SHQ1: variants seen among roughly 807,000 people sequenced by gnomAD.
SHQ1 encodes the protein protein SHQ1 homolog.
A neutral mutation model predicts 53.8 loss-of-function variants in SHQ1; 49 were observed. That is an observed-to-expected ratio of 0.91 (90% confidence interval 0.72 to 1.16). The LOEUF is 1.16. Among genes scored for constraint, SHQ1 ranks in the 50% most tolerant of loss-of-function variants. SHQ1 has a pLI of 0.00. For missense variants in SHQ1, 738 were observed against 683.1 expected, an observed-to-expected ratio of 1.08 and a Z score of -0.90; for synonymous variants, 243 against 251.0, an observed-to-expected ratio of 0.97 and a Z score of 0.30.
chr3:72,781,013 T>C (rs1559668259), intron 10 of SHQ1, among the ~76,000 whole-genome samples: 1 of 151,424 alleles, frequency 6.6e-6, no homozygotes, highest in Non-Finnish European at 1.5e-5. Flanking sequence ...GCAAATAAAG[T>C]AAAAAGTATG....
intron 9 of SHQ1, among the ~76,000 whole-genome samples, chr3:72,801,649 G>A (rs1280078816): frequency 1.3e-5 from 2 of 152,174 alleles, no homozygotes; most frequent in Non-Finnish European, 2.9e-5. Context: ...AACCCTCACT[G>A]TGTTTCAGTG....
intron 10 of SHQ1, among the ~76,000 whole-genome samples, chr3:72,754,045 A>C (rs1403487937): frequency 6.6e-6 from 1 of 152,230 alleles, no homozygotes; most frequent in African/African-American, 2.4e-5. Context: ...TAGAAATAAA[A>C]AATATAAAAT....
At chr3:72,795,469 T>C (rs1437897921) in intron 9 of SHQ1, 1 of 152,202 alleles carries the variant, frequency 6.6e-6, no homozygotes, top group Non-Finnish European at 1.5e-5. Context: ...GATGAAACCA[T>C]GTTTGCCACA....
At chr3:72,821,343 A>C (rs1707473105) in intron 6 of SHQ1, among the ~76,000 whole-genome samples, 1 of 152,224 alleles carries the variant, frequency 6.6e-6, no homozygotes, top group African/African-American at 2.4e-5. Flanking sequence ...ACTGAAAGAC[A>C]ACATGGGAAA....
chr3:72,747,856 G>T (rs1266019913), downstream of SHQ1, among the ~76,000 whole-genome samples: 1 of 152,062 alleles, frequency 6.6e-6, no homozygotes, highest in African/African-American at 2.4e-5. Flanking sequence ...AGGTGTGGTG[G>T]TGCATGCCTG....
At chr3:72,809,876 T>C (rs1707065278) in intron 9 of SHQ1, 1 of 151,980 alleles carries the variant, frequency 6.6e-6, no homozygotes. Flanking sequence ...TGAGAATTTC[T>C]TGAACCCAGG....
At chr3:72,846,137 T>C in intron 1 of SHQ1, 1 of 1,382,610 alleles carries the variant, frequency 7.2e-7, no homozygotes, top group Admixed American at 2.0e-5. Flanking sequence ...ATGTGAGCTA[T>C]TATTACCAGC....
At chr3:72,766,602 C>T (rs978381980) in intron 10 of SHQ1, among the ~76,000 whole-genome samples, 1 of 152,178 alleles carries the variant, frequency 6.6e-6, no homozygotes, top group Non-Finnish European at 1.5e-5. Flanking sequence ...ATGTGTCATT[C>T]TACAACTTAC....
intron 9 of SHQ1, chr3:72,809,517 C>T (rs1707054418): frequency 6.6e-6 from 1 of 152,072 alleles, no homozygotes; most frequent in Non-Finnish European, 1.5e-5. Flanking sequence ...GTTTCTCTTC[C>T]ATCCCATCCC....
the SHQ1 span, among the ~76,000 whole-genome samples, chr3:72,730,709 T>C: frequency 3.9e-5 from 6 of 152,178 alleles, no homozygotes; most frequent in Non-Finnish European, 7.3e-5. Flanking sequence ...CTTTCATCTC[T>C]TAGAATTAAG....
the SHQ1 span, among the ~76,000 whole-genome samples, chr3:72,744,020 TGGGAAAACACAAAGCATGTAG>T: frequency 2.6e-5 from 4 of 152,200 alleles, no homozygotes; most frequent in Admixed American, 2.6e-4. Flanking sequence ...AACATCAAGA[TGGGAAAACACAAAGCATGTAG>T]GGGAAACACA....
intron 1 of SHQ1, among the ~76,000 whole-genome samples, chr3:72,847,675 G>A (rs938959566): frequency 7.9e-5 from 12 of 152,118 alleles, no homozygotes; most frequent in Admixed American, 7.9e-4. Flanking sequence ...GGAAGCAGGA[G>A]AACTAGGCTA....
chr3:72,843,441 A>C (rs1330718828), intron 2 of SHQ1, among the ~76,000 whole-genome samples: 2 of 152,142 alleles, frequency 1.3e-5, no homozygotes, highest in Non-Finnish European at 2.9e-5. Flanking sequence ...GACTGAGTTT[A>C]TCTATCTTAT....
intron 5 of SHQ1, among the ~76,000 whole-genome samples, chr3:72,829,861 T>C (rs1345031341): frequency 2.0e-5 from 3 of 152,172 alleles, no homozygotes; most frequent in Admixed American, 1.3e-4. Context: ...GTAAAATGTA[T>C]GCCAACAATT....
At chr3:72,739,425 C>A in the SHQ1 span, among the ~76,000 whole-genome samples, 1 of 152,218 alleles carries the variant, frequency 6.6e-6, no homozygotes, top group Non-Finnish European at 1.5e-5. Flanking sequence ...GAGACTCAGG[C>A]CACCTCACCA....
chr3:72,798,469 G>C (rs915407280), intron 9 of SHQ1, among the ~76,000 whole-genome samples: 1 of 152,208 alleles, frequency 6.6e-6, no homozygotes, highest in Non-Finnish European at 1.5e-5. Context: ...ACAGAGAAAC[G>C]TAATGACAAG....
chr3:72,826,728 G>T (rs1040699881), intron 5 of SHQ1, among the ~76,000 whole-genome samples: 2 of 152,182 alleles, frequency 1.3e-5, no homozygotes, highest in African/African-American at 4.8e-5. Context: ...AGATGAAGGG[G>T]GTGGGACAGA....
chr3:72,753,882 G>A (rs1705443564), intron 10 of SHQ1, among the ~76,000 whole-genome samples: 3 of 152,174 alleles, frequency 2.0e-5, no homozygotes. Context: ...AGTGGTAAAG[G>A]ATTCAGTCTG....
intron 9 of SHQ1, among the ~76,000 whole-genome samples, chr3:72,811,420 A>G (rs1707119938): frequency 6.6e-6 from 1 of 152,254 alleles, no homozygotes; most frequent in African/African-American, 2.4e-5. Flanking sequence ...AATTCAAAAA[A>G]TATCTTAGAT....
Sources: gnomAD v4.1 joint callset for allele counts (sites outside exome capture counted in the v4.1 genomes callset) on GRCh38, gnomAD v4.1.1 for gene constraint, MANE v1.5 for transcripts, NCBI Gene and HGNC (gene_info 2026-07-23, HGNC 2026-07-21) for gene names.